Variants in MTUS2 observed in about 807,000 individuals in gnomAD.
MTUS2 encodes microtubule-associated tumor suppressor candidate 2.
In MTUS2, 40 loss-of-function variants were observed where a neutral mutation model predicts 114.1. The observed-to-expected ratio is 0.35, with a 90% CI of 0.27 to 0.46. The LOEUF is 0.46. Among genes scored for constraint, MTUS2 ranks in the 20% least tolerant of loss-of-function variants. The probability of loss-of-function intolerance (pLI) is 1.00; values close to 1 mark genes in which losing one functional copy is unlikely to be tolerated. For synonymous variants in MTUS2, 688 were observed against 672.0 expected, an observed-to-expected ratio of 1.02 and a Z score of -0.37; for missense variants, 1,679 against 1,705.4, an observed-to-expected ratio of 0.98 and a Z score of 0.27.
At chr13:28,825,183 A>G (rs901590071) in intron 1 of MTUS2, among the ~76,000 whole-genome samples, 3 of 152,014 alleles carry the variant, frequency 2.0e-5, no homozygotes, top group Admixed American at 6.5e-5. Context: ...GGAACTGAGG[A>G]CCTCTCAGGG....
chr13:29,356,970 TGTC>T (rs1211828537), intron 7 of MTUS2, among the ~76,000 whole-genome samples: 1 of 152,202 alleles, frequency 6.6e-6, no homozygotes, highest in East Asian at 1.9e-4. Context: ...GAGGAGCCTC[TGTC>T]TTAGCTCAGA....
At chr13:29,390,188 A>T (rs558885275) in intron 8 of MTUS2, among the ~76,000 whole-genome samples, 1 of 150,660 alleles carries the variant, frequency 6.6e-6, no homozygotes, top group African/African-American at 2.4e-5. Context: ...TTATGAATAT[A>T]TATTTTTTCT....
At chr13:28,993,107 A>G (rs957707070) in intron 2 of MTUS2, among the ~76,000 whole-genome samples, 2 of 152,190 alleles carry the variant, frequency 1.3e-5, no homozygotes, top group South Asian at 4.1e-4. Context: ...CATTGTATGT[A>G]TATATCACAT....
intron 5 of MTUS2, among the ~76,000 whole-genome samples, chr13:29,223,688 T>C (rs960048120): frequency 3.9e-5 from 6 of 152,182 alleles, no homozygotes; most frequent in African/African-American, 1.4e-4. Flanking sequence ...CCAAAAGAAC[T>C]GTAACACAAA....
At chr13:28,866,909 T>A (rs1877332521) in intron 2 of MTUS2, among the ~76,000 whole-genome samples, 1 of 152,180 alleles carries the variant, frequency 6.6e-6, no homozygotes, top group African/African-American at 2.4e-5. Flanking sequence ...AAAATGAATT[T>A]AAAAATTCTG....
At chr13:29,333,824 G>A (rs763890274) in intron 7 of MTUS2, among the ~76,000 whole-genome samples, 2 of 152,138 alleles carry the variant, frequency 1.3e-5, no homozygotes, top group Non-Finnish European at 2.9e-5. Context: ...GGGAGTCTAA[G>A]TCTTTTTGTA....
At chr13:29,121,579 A>G (rs969696706) in intron 5 of MTUS2, among the ~76,000 whole-genome samples, 3 of 152,138 alleles carry the variant, frequency 2.0e-5, no homozygotes, top group Non-Finnish European at 4.4e-5. Context: ...GAATGCCAGG[A>G]AAGAGCACAG....
At chr13:29,069,237 G>T (rs1888800202) in intron 4 of MTUS2, among the ~76,000 whole-genome samples, 1 of 152,194 alleles carries the variant, frequency 6.6e-6, no homozygotes, top group Non-Finnish European at 1.5e-5. Context: ...CTGTCTGCAA[G>T]GTGGAGACCC....
intron 6 of MTUS2, among the ~76,000 whole-genome samples, chr13:29,316,196 T>A (rs1899981995): frequency 6.6e-6 from 1 of 152,052 alleles, no homozygotes; most frequent in African/African-American, 2.4e-5. Flanking sequence ...CATGTTCTAG[T>A]GGGGTATTTG....
At chr13:29,214,113 T>A (rs1381480023) in intron 5 of MTUS2, among the ~76,000 whole-genome samples, 1 of 152,192 alleles carries the variant, frequency 6.6e-6, no homozygotes, top group East Asian at 1.9e-4. Context: ...TCCATCTCTT[T>A]CCTGGCATTT....
At chr13:29,486,739 G>T (rs959101715) in intron 10 of MTUS2, among the ~76,000 whole-genome samples, 10 of 152,166 alleles carry the variant, frequency 6.6e-5, no homozygotes, top group African/African-American at 1.7e-4. Context: ...GGGAAGTTTT[G>T]TTTTTGTGAA....
chr13:29,376,574 A>G (rs1039082679), intron 8 of MTUS2, among the ~76,000 whole-genome samples: 1 of 142,890 alleles, frequency 7.0e-6, no homozygotes, highest in African/African-American at 3.1e-5. Flanking sequence ...ATTACATTAA[A>G]TGTAATGTAA....
intron 4 of MTUS2, among the ~76,000 whole-genome samples, chr13:29,054,990 C>T (rs1193308424): frequency 6.6e-6 from 1 of 151,978 alleles, no homozygotes; most frequent in Non-Finnish European, 1.5e-5. Context: ...ATTTTATACT[C>T]ACAAGTATGG....
At chr13:29,069,938 CT>C (rs928175451) in intron 4 of MTUS2, among the ~76,000 whole-genome samples, 17 of 152,134 alleles carry the variant, frequency 1.1e-4, no homozygotes, top group Admixed American at 1.0e-3. Context: ...ACAAAGCTTT[CT>C]TCTGGATTTT....
intron 5 of MTUS2, among the ~76,000 whole-genome samples, chr13:29,119,073 G>C (rs1891202762): frequency 6.6e-6 from 1 of 152,140 alleles, no homozygotes. Flanking sequence ...GGACATACAA[G>C]ATACGTTTTC....
At chr13:29,189,159 A>G (rs1894344573) in intron 5 of MTUS2, among the ~76,000 whole-genome samples, 2 of 152,220 alleles carry the variant, frequency 1.3e-5, no homozygotes, top group African/African-American at 4.8e-5. Flanking sequence ...TCTGTTTTGT[A>G]AAATATATGT....
At chr13:29,019,538 GT>G (rs1328189393) in intron 2 of MTUS2, among the ~76,000 whole-genome samples, 2 of 152,242 alleles carry the variant, frequency 1.3e-5, no homozygotes, top group Non-Finnish European at 2.9e-5. Context: ...GCAAGGTGAT[GT>G]TTGAGAAGTA....
chr13:28,912,366 C>G (rs569053289), intron 2 of MTUS2, among the ~76,000 whole-genome samples: 2 of 152,250 alleles, frequency 1.3e-5, no homozygotes, highest in African/African-American at 4.8e-5. Flanking sequence ...TTCCATTGAT[C>G]TATGTATCTA....
intron 4 of MTUS2, among the ~76,000 whole-genome samples, chr13:29,041,671 G>T (rs559511080): frequency 3.9e-5 from 6 of 151,932 alleles, no homozygotes; most frequent in Admixed American, 3.9e-4. Flanking sequence ...CTTTGGTTAG[G>T]TGTAATATAC....
Sources: gnomAD v4.1 joint callset for allele counts (sites outside exome capture counted in the v4.1 genomes callset) on GRCh38, gnomAD v4.1.1 for gene constraint, MANE v1.5 for transcripts, NCBI Gene and HGNC (gene_info 2026-07-23, HGNC 2026-07-21) for gene names.